ZNF804B: variants seen among roughly 807,000 people sequenced by gnomAD.
The protein encoded by ZNF804B is zinc finger 804B.
Under a neutral mutation model 101.4 loss-of-function variants are expected in ZNF804B, and 80 were observed. The ratio of observed to expected loss-of-function variants is 0.79; its 90% CI spans 0.66 to 0.95. The LOEUF (loss-of-function observed/expected upper bound fraction) is 0.95, where lower values mean the gene tolerates loss of function less well. Among genes scored for constraint, ZNF804B ranks in the 40% least tolerant of loss-of-function variants. The pLI, the probability that ZNF804B is intolerant of heterozygous loss-of-function variation, is 0.00. For synonymous variants in ZNF804B, 622 were observed against 558.8 expected (o/e 1.11, Z -1.59); for missense variants, 1,673 against 1,561.9 (o/e 1.07, Z -1.20).
chr7:89,225,395 A>G (rs1267833024), intron 2 of ZNF804B, among the ~76,000 whole-genome samples: 7 of 152,092 alleles, frequency 4.6e-5, no homozygotes, highest in Admixed American at 3.9e-4. Flanking sequence ...AAGAAAAAAA[A>G]TTACTTTTTA....
intron 1 of ZNF804B, among the ~76,000 whole-genome samples, chr7:89,211,425 A>G (rs1177868446): frequency 6.6e-6 from 1 of 152,164 alleles, no homozygotes; most frequent in Admixed American, 6.5e-5. Context: ...CAATTTCATC[A>G]TGAAATCTTT....
At chr7:89,017,768 TG>T (rs990222851) in intron 1 of ZNF804B, among the ~76,000 whole-genome samples, 2 of 152,212 alleles carry the variant, frequency 1.3e-5, no homozygotes, top group African/African-American at 4.8e-5. Flanking sequence ...AGGTAATTTT[TG>T]TAGCCATTTT....
At chr7:89,332,395 G>C (rs1269472626) in intron 3 of ZNF804B, among the ~76,000 whole-genome samples, 1 of 151,692 alleles carries the variant, frequency 6.6e-6, no homozygotes, top group Non-Finnish European at 1.5e-5. Flanking sequence ...CTAGAGGAAA[G>C]TAAAATAAAA....
At chr7:89,038,177 T>C (rs781618802) in intron 1 of ZNF804B, among the ~76,000 whole-genome samples, 26 of 152,286 alleles carry the variant, frequency 1.7e-4, no homozygotes, top group Non-Finnish European at 2.9e-4. Flanking sequence ...TTTTACTTAC[T>C]TACTTTAGAT....
intron 1 of ZNF804B, among the ~76,000 whole-genome samples, chr7:88,976,081 G>A (rs978977035): frequency 5.9e-5 from 9 of 151,496 alleles, no homozygotes; most frequent in African/African-American, 2.2e-4. Flanking sequence ...GTTCACTGTG[G>A]ATGTATAGGT....
chr7:89,116,614 T>C (rs1790315710), intron 1 of ZNF804B, among the ~76,000 whole-genome samples: 1 of 152,224 alleles, frequency 6.6e-6, no homozygotes, highest in African/African-American at 2.4e-5. Flanking sequence ...TATAAAGCCT[T>C]TCTCAACAAA....
chr7:89,336,475 G>A lies in ZNF804B; in HGVS notation c.3493G>A (p.Ala1165Thr), dbSNP rs1176994337. The change falls in exon 4 of 4, where the codon GCC (alanine) becomes ACC (threonine). Residue 1165 changes from alanine to threonine, a missense_variant. Physicochemically the swap from Ala to Thr is moderately conservative, Grantham distance 58 (BLOSUM62 0). Coordinates refer to ENST00000333190, the MANE Select transcript of ZNF804B (RefSeq NM_181646.5). Reference protein sequence around the residue: ...IDKYKILQLQAQQHMQKQLLS... With the variant: ...IDKYKILQLQTQQHMQKQLLS... ...TAAATATAAGATCCTACAGCTACAAGCCCAGCAGCATATGCAGAAGCAACT... is the reference window on the plus strand; with the variant it reads ...TAAATATAAGATCCTACAGCTACAAACCCAGCAGCATATGCAGAAGCAACT... The A allele has an allele frequency of 1.2e-6, 2 of 1,613,984 alleles. No homozygotes were observed. Among genetic ancestry groups the A allele is most frequent in the Non-Finnish European group, 1.7e-6 (2 of 1,179,996 alleles).
intron 1 of ZNF804B, among the ~76,000 whole-genome samples, chr7:89,208,189 C>G (rs1788744136): frequency 6.7e-6 from 1 of 150,344 alleles, no homozygotes; most frequent in Admixed American, 6.7e-5. Flanking sequence ...TCATGCCGTT[C>G]TCCTGCCTCA....
chr7:88,881,881 G>A (rs772427042), intron 1 of ZNF804B, among the ~76,000 whole-genome samples: 8 of 152,116 alleles, frequency 5.3e-5, no homozygotes, highest in Non-Finnish European at 1.0e-4. Flanking sequence ...CCAAGTAAAT[G>A]AACAACTGTT....
intron 1 of ZNF804B, among the ~76,000 whole-genome samples, chr7:88,891,622 ATT>A (rs201823667): frequency 2.1e-4 from 31 of 147,520 alleles, no homozygotes; most frequent in Middle Eastern, 3.6e-3. Context: ...TTCTAAGTAG[ATT>A]TTTTTTTTTT....
Position 88,879,000 on chromosome 7 carries a change from C to T in ZNF804B, c.108+118916C>T, listed in dbSNP as rs138046261. 1.6e-3 allele frequency among the ~76,000 whole-genome samples: 237 copies of T among 152,194 alleles called. 1 individual carries two copies. Among genetic ancestry groups the T allele is most frequent in the African/African-American group, 5.2e-3 (218 of 41,536 alleles). On this transcript the variant is annotated intron_variant, in intron 1 of 3. Coordinates refer to ENST00000333190, the MANE Select transcript of ZNF804B (RefSeq NM_181646.5). ...TACATCAGCGTCACAGACCACTCTG[C>T]CAGGCAATATTAGGTTCACGATGAA... is the stretch of plus-strand genomic sequence containing the variant.
chr7:89,321,445 C>T (rs1052943757), intron 2 of ZNF804B, among the ~76,000 whole-genome samples: 2 of 152,182 alleles, frequency 1.3e-5, no homozygotes, highest in African/African-American at 4.8e-5. Flanking sequence ...CACCACTGTA[C>T]TCCAGCTTGG....
At chr7:88,895,487 T>C (rs968493011) in intron 1 of ZNF804B, among the ~76,000 whole-genome samples, 2 of 152,220 alleles carry the variant, frequency 1.3e-5, no homozygotes, top group Admixed American at 1.3e-4. Context: ...TTCATGCATG[T>C]ATTTCCTAAC....
intron 1 of ZNF804B, among the ~76,000 whole-genome samples, chr7:88,886,199 T>C (rs1026685805): frequency 6.6e-6 from 1 of 151,778 alleles, no homozygotes; most frequent in African/African-American, 2.4e-5. Context: ...ATTTGGGAGG[T>C]TTTGTGGTGA....
intron 1 of ZNF804B, among the ~76,000 whole-genome samples, chr7:88,996,834 T>C (rs1209743940): frequency 6.6e-6 from 1 of 152,060 alleles, no homozygotes; most frequent in Non-Finnish European, 1.5e-5. Flanking sequence ...AGGTATAAAG[T>C]ACAAAGATGG....
At chr7:89,167,560 T>C (rs1399723054) in intron 1 of ZNF804B, among the ~76,000 whole-genome samples, 1 of 152,118 alleles carries the variant, frequency 6.6e-6, no homozygotes, top group African/African-American at 2.4e-5. Context: ...TCTTGAAAAA[T>C]GAAGTTGGAA....
At chr7:89,171,282 G>T (rs373249168) in intron 1 of ZNF804B, among the ~76,000 whole-genome samples, 2,378 of 95,136 alleles carry the variant, frequency 0.025, 83 homozygotes, top group Non-Finnish European at 0.037. Context: ...AAATAATGCT[G>T]CTGCTGCTTC....
At chr7:89,229,439 G>T (rs569969801) in intron 2 of ZNF804B, among the ~76,000 whole-genome samples, 2 of 152,314 alleles carry the variant, frequency 1.3e-5, no homozygotes, top group South Asian at 4.1e-4. Context: ...GCTGAGTTGA[G>T]CAAGAAGCAA....
intron 2 of ZNF804B, among the ~76,000 whole-genome samples, chr7:89,235,333 A>T (rs1330025294): frequency 6.6e-6 from 1 of 152,176 alleles, no homozygotes; most frequent in Non-Finnish European, 1.5e-5. Flanking sequence ...ATATTAAATT[A>T]TTGTCAAGTC....
Sources: allele counts gnomAD v4.1 joint callset (sites outside exome capture counted in the v4.1 genomes callset), GRCh38; gene constraint gnomAD v4.1.1; transcripts MANE v1.5; gene names NCBI Gene and HGNC (gene_info 2026-07-23, HGNC 2026-07-21).